DOCK3: variants seen among roughly 807,000 people sequenced by gnomAD.
DOCK3 encodes dedicator of cytokinesis 3, also known as dedicator of cytokinesis protein 3.
In DOCK3, 60 loss-of-function variants were observed where a neutral mutation model predicts 265.6. The observed-to-expected ratio is 0.23, with a 90% CI of 0.18 to 0.28. The LOEUF is 0.28. Among genes scored for constraint, DOCK3 ranks in the 10% least tolerant of loss-of-function variants. The probability of loss-of-function intolerance (pLI) is 1.00; values close to 1 mark genes in which losing one functional copy is unlikely to be tolerated. For missense variants in DOCK3, 1,981 were observed against 2,594.3 expected, an observed-to-expected ratio of 0.76 and a Z score of 5.14; for synonymous variants, 881 against 938.0, an observed-to-expected ratio of 0.94 and a Z score of 1.11.
rs568051483 is a variant in DOCK3, at chr3:50,983,601, T to C, written c.315+49524T>C. Among the ~76,000 whole-genome samples the C allele has an allele frequency of 2.0e-4, 30 of 152,230 alleles. No homozygotes were observed. In the South Asian group the frequency reaches 5.6e-3, roughly 28 times the overall value. ...CTCTCTGTTAGGAGCTGAACACTCA[T>C]TGGGATACCCTTGCTGCAGAGAGCA... is the stretch of plus-strand genomic sequence containing the variant. On this transcript the variant is annotated intron_variant, in intron 5 of 52. Coordinates refer to ENST00000266037, the MANE Select transcript of DOCK3 (RefSeq NM_004947.5).
intron 4 of DOCK3, among the ~76,000 whole-genome samples, chr3:50,921,043 A>G (rs1166692105): frequency 6.6e-6 from 1 of 152,144 alleles, no homozygotes; most frequent in East Asian, 1.9e-4. Flanking sequence ...TTCAGTTTTC[A>G]TGTAGTTGAG....
chr3:51,054,971 TC>T (rs1231087266), intron 5 of DOCK3, among the ~76,000 whole-genome samples: 3 of 152,228 alleles, frequency 2.0e-5, no homozygotes, highest in Non-Finnish European at 4.4e-5. Flanking sequence ...TTGGAAGCTT[TC>T]CTTATTATAT....
intron 9 of DOCK3, among the ~76,000 whole-genome samples, chr3:51,121,795 C>T (rs6446168): frequency 0.9 from 136,577 of 152,162 alleles, 61,453 homozygotes; most frequent in East Asian, 0.94. Flanking sequence ...TTATTTAATT[C>T]AGTCCCTAAA....
chr3:51,099,931 A>G (rs1165545022), intron 9 of DOCK3, among the ~76,000 whole-genome samples: 2 of 152,220 alleles, frequency 1.3e-5, no homozygotes, highest in Non-Finnish European at 2.9e-5. Context: ...AATTTGTCCC[A>G]TCCTCTCATC....
chr3:51,376,323 G>A (rs2088125387), intron 51 of DOCK3, among the ~76,000 whole-genome samples: 1 of 152,168 alleles, frequency 6.6e-6, no homozygotes, highest in African/African-American at 2.4e-5. Context: ...AGCCCAGGGT[G>A]CCCCAAAGGA....
intron 6 of DOCK3, among the ~76,000 whole-genome samples, chr3:51,071,787 A>T (rs2081879099): frequency 6.6e-6 from 1 of 152,156 alleles, no homozygotes. Flanking sequence ...TTCGATGTTC[A>T]CTATTCTTCG....
chr3:50,675,231 C>T lies in DOCK3; in HGVS notation c.-33C>T, dbSNP rs1559500727. 1.7e-6 allele frequency: 2 copies of T among 1,153,100 alleles called. No individual in the cohort carries two copies. Among genetic ancestry groups the T allele is most frequent in the East Asian group, 4.7e-5 (1 of 21,120 alleles). 71.4% of individuals were successfully genotyped at this position (1,153,100 alleles called of 1,614,324 possible). A position where few individuals can be genotyped will look rare whatever the true frequency, so the allele number is the denominator to read the frequency against. On this transcript the variant is annotated 5_prime_UTR_variant, in exon 1 of 53. Coordinates refer to ENST00000266037, the MANE Select transcript of DOCK3 (RefSeq NM_004947.5). The surrounding 1 kb of genome is among the most constrained non-coding windows in gnomAD (Gnocchi z 6.1). Reference sequence around the variant, plus strand: ...CGTCCCCGCCGCGTTGTCGCCCGGTCGCCGCGCCCGCGGGGCCGCGCCCGG... The same window carrying T: ...CGTCCCCGCCGCGTTGTCGCCCGGTTGCCGCGCCCGCGGGGCCGCGCCCGG...
intron 5 of DOCK3, among the ~76,000 whole-genome samples, chr3:50,937,132 C>G (rs976234020): frequency 4.6e-5 from 7 of 151,782 alleles, no homozygotes; most frequent in Non-Finnish European, 8.8e-5. Context: ...GAAAAATTAG[C>G]TAGACATGGT....
At chr3:50,748,115 C>G (rs1244723521) in intron 1 of DOCK3, among the ~76,000 whole-genome samples, 2 of 152,110 alleles carry the variant, frequency 1.3e-5, no homozygotes. Context: ...GCCTGACTGC[C>G]CTGGCTACAG....
chr3:51,158,056 C>G (rs1332153274), intron 10 of DOCK3, among the ~76,000 whole-genome samples: 1 of 151,998 alleles, frequency 6.6e-6, no homozygotes, highest in Non-Finnish European at 1.5e-5. Context: ...AGGGAGATCA[C>G]AGAAACCTGT....
chr3:50,856,443 G>C (rs997538983), intron 3 of DOCK3, among the ~76,000 whole-genome samples: 2 of 151,728 alleles, frequency 1.3e-5, no homozygotes, highest in Non-Finnish European at 2.9e-5. Flanking sequence ...CAGTGATGTT[G>C]GGCTTTTTTT....
chr3:51,021,286 A>C (rs1411332238), intron 5 of DOCK3, among the ~76,000 whole-genome samples: 1 of 149,860 alleles, frequency 6.7e-6, no homozygotes, highest in African/African-American at 2.5e-5. Context: ...CATAATCATC[A>C]GATTCTCCAA....
chr3:50,804,339 C>A (rs899944185), intron 2 of DOCK3, among the ~76,000 whole-genome samples: 3 of 152,094 alleles, frequency 2.0e-5, no homozygotes, highest in Non-Finnish European at 4.4e-5. Flanking sequence ...GACGGGGTGG[C>A]GGCTGGGCAG....
At position 51,349,377 on chromosome 3, in the gene DOCK3, G is replaced by A. The variant is rs563285963; in HGVS notation, c.4002+439G>A. On this transcript the variant is annotated intron_variant, in intron 39 of 52. Transcript: ENST00000266037. ...TATTAAAAAATTAAATCAAATGCTC[G>A]ATGGCTTTGAAGGTCTGCGCCAAAT... 3.3e-5 allele frequency among the ~76,000 whole-genome samples: 5 copies of A among 152,284 alleles called. No homozygotes were observed. In the East Asian group the frequency reaches 5.8e-4, roughly 18 times the overall value.
intron 1 of DOCK3, among the ~76,000 whole-genome samples, chr3:50,759,720 C>T (rs906161282): frequency 6.7e-6 from 1 of 149,794 alleles, no homozygotes; most frequent in African/African-American, 2.5e-5. Flanking sequence ...CATGGTGGCA[C>T]GTGCCTGTAG....
chr3:51,278,613 AAC>A (rs1412667050), intron 26 of DOCK3: 3 of 784,234 alleles, frequency 3.8e-6, no homozygotes, highest in African/African-American at 3.5e-5. Flanking sequence ...GTAAGTAAAA[AAC>A]ATATATATAT....
intron 23 of DOCK3, among the ~76,000 whole-genome samples, chr3:51,263,827 T>C (rs974272455): frequency 1.9e-4 from 29 of 152,006 alleles, no homozygotes; most frequent in Admixed American, 2.0e-4. Flanking sequence ...TCAAGGATAT[T>C]ACATAATGGT....
At chr3:50,818,922 A>T (rs1257422515) in intron 2 of DOCK3, among the ~76,000 whole-genome samples, 1 of 152,180 alleles carries the variant, frequency 6.6e-6, no homozygotes, top group African/African-American at 2.4e-5. Flanking sequence ...TCTTCATTAC[A>T]TCACCTCTAA....
Position 50,733,541 on chromosome 3 carries a change from C to T in DOCK3, c.38-45134C>T, listed in dbSNP as rs540002956. Among the ~76,000 whole-genome samples the T allele has an allele frequency of 4.6e-5, 7 of 152,312 alleles. No individual in the cohort carries two copies. In the South Asian group the frequency reaches 1.4e-3, roughly 32 times the overall value. Reference sequence around the variant, plus strand: ...TTTGTCTGATACAAGTATAGCTACTCTTGCTCTCTTTTGGTTTTCATTTGG... The same window carrying T: ...TTTGTCTGATACAAGTATAGCTACTTTTGCTCTCTTTTGGTTTTCATTTGG... On this transcript the variant is annotated intron_variant, in intron 1 of 52. Transcript: ENST00000266037.
Sources: gnomAD v4.1 joint callset for allele counts (sites outside exome capture counted in the v4.1 genomes callset) on GRCh38, gnomAD v4.1.1 for gene constraint, Gnocchi (gnomAD v3.1) non-coding constraint, MANE v1.5 for transcripts, NCBI Gene and HGNC (gene_info 2026-07-23, HGNC 2026-07-21) for gene names.